Variants in CSMD1 observed in about 807,000 individuals in gnomAD.
CSMD1 encodes CUB and sushi domain-containing protein 1.
A neutral mutation model predicts 417.5 loss-of-function variants in CSMD1; 213 were observed. The ratio of observed to expected loss-of-function variants is 0.51; its 90% CI spans 0.46 to 0.57. CSMD1 has a LOEUF of 0.57. CSMD1 is among the 20% of genes least tolerant of loss of function. The pLI, the probability that CSMD1 is intolerant of heterozygous loss-of-function variation, is 0.00. For synonymous variants in CSMD1, 2,862 were observed against 1,736.8 expected (o/e 1.65, Z -16.11); for missense variants, 6,923 against 4,529.7 (o/e 1.53, Z -15.17).
intron 50 of CSMD1, among the ~76,000 whole-genome samples, chr8:3,035,286 G>C (rs139876544): frequency 2.2e-3 from 340 of 152,206 alleles, no homozygotes; most frequent in African/African-American, 7.7e-3. Context: ...TTTTCACATT[G>C]TGTATGTAAT....
At position 3,831,341 on chromosome 8, in the gene CSMD1, G is replaced by A. The variant is rs145734414; in HGVS notation, c.819-77299C>T. ...CGGACAGCTCCATCTGTCTCCTTCT[G>A]GAATTATTAACAGCACTTGCAAACT... On this transcript the variant is annotated intron_variant, in intron 5 of 69. Transcript: ENST00000635120. 4.0e-3 allele frequency among the ~76,000 whole-genome samples: 602 copies of A among 152,180 alleles called. 5 individuals are homozygous for A. The highest frequency in any genetic ancestry group is 0.014 in the African/African-American group (576 of 41,522).
chr8:3,835,913 A>G (rs1802666664), intron 5 of CSMD1, among the ~76,000 whole-genome samples: 2 of 152,012 alleles, frequency 1.3e-5, no homozygotes, highest in South Asian at 2.1e-4. Context: ...TTTTTTCAAC[A>G]TATTTTCTCC....
chr8:3,219,437 T>G lies in CSMD1; in HGVS notation c.4490A>C (p.Asn1497Thr). Residue 1497 changes from asparagine (N) to threonine (T), a missense_variant, in exon 29 of 70, where the codon AAC becomes ACC. Physicochemically the swap from Asn to Thr is moderately conservative, Grantham distance 65. Coordinates refer to ENST00000635120, the MANE Select transcript of CSMD1 (RefSeq NM_033225.6). ...TAGGAAGTCATAGCTGGGCTCCATG[T>G]TGAAACTAAAGAAAAGAATAGTAAT... is the stretch of plus-strand genomic sequence containing the variant. Reference protein sequence around the residue: ...FVIALIFKSFNMEPSYDFLHI... With the variant: ...FVIALIFKSFTMEPSYDFLHI... 2 of 1,482,268 alleles carry G rather than the reference T, an allele frequency of 1.3e-6. No individual in the cohort carries two copies. Among genetic ancestry groups the G allele is most frequent in the Non-Finnish European group, 1.8e-6 (2 of 1,115,552 alleles). The allele number at this position is 1,482,268 out of a possible 1,614,324, so 91.8% of individuals were successfully genotyped here. A position where few individuals can be genotyped will look rare whatever the true frequency, so the allele number is the denominator to read the frequency against.
intron 7 of CSMD1, among the ~76,000 whole-genome samples, chr8:3,696,151 T>C (rs941376152): frequency 2.6e-5 from 4 of 152,242 alleles, no homozygotes; most frequent in African/African-American, 4.8e-5. Flanking sequence ...AGATACATAA[T>C]GAACGTATCT....
intron 7 of CSMD1, among the ~76,000 whole-genome samples, chr8:3,651,728 C>T (rs781455842): frequency 6.6e-6 from 1 of 151,930 alleles, no homozygotes; most frequent in Non-Finnish European, 1.5e-5. Context: ...TTACCAGCAA[C>T]AGCGTGCTTA....
intron 10 of CSMD1, among the ~76,000 whole-genome samples, chr8:3,543,285 G>A (rs1350248922): frequency 1.3e-5 from 2 of 152,200 alleles, no homozygotes; most frequent in Admixed American, 6.5e-5. Flanking sequence ...GGACATCGGA[G>A]AACATTATTA....
intron 23 of CSMD1, among the ~76,000 whole-genome samples, chr8:3,327,267 C>T (rs1434614499): frequency 5.3e-5 from 8 of 152,000 alleles, no homozygotes; most frequent in African/African-American, 1.7e-4. Flanking sequence ...CTCAGCCTCC[C>T]GAGTAGCTGG....
chr8:4,602,890 C>G (rs752551867), intron 2 of CSMD1, among the ~76,000 whole-genome samples: 11 of 151,682 alleles, frequency 7.3e-5, no homozygotes, highest in Non-Finnish European at 1.2e-4. Flanking sequence ...ATAACGCTAT[C>G]ATATAATGAT....
intron 7 of CSMD1, among the ~76,000 whole-genome samples, chr8:3,681,171 G>A (rs1261518355): frequency 2.0e-5 from 3 of 152,148 alleles, no homozygotes; most frequent in Non-Finnish European, 4.4e-5. Context: ...TCAACATAGT[G>A]TTGGAAGTTC....
At chr8:3,538,072 G>T (rs1321895330) in intron 10 of CSMD1, among the ~76,000 whole-genome samples, 1 of 152,196 alleles carries the variant, frequency 6.6e-6, no homozygotes, top group South Asian at 2.1e-4. Flanking sequence ...TCAATGACCC[G>T]ATCCTATGCA....
intron 3 of CSMD1, among the ~76,000 whole-genome samples, chr8:4,081,160 C>G (rs1171795059): frequency 6.6e-6 from 1 of 152,140 alleles, no homozygotes. Flanking sequence ...CAGCCTCCAG[C>G]ATTGTGATAA....
At chr8:3,161,216 T>A (rs546620335) in intron 38 of CSMD1, among the ~76,000 whole-genome samples, 11 of 152,206 alleles carry the variant, frequency 7.2e-5, no homozygotes, top group South Asian at 4.2e-4. Flanking sequence ...ATTCTGAGAG[T>A]AGGCTTACTC....
intron 10 of CSMD1, among the ~76,000 whole-genome samples, chr8:3,549,822 C>T (rs770228204): frequency 6.6e-6 from 1 of 152,102 alleles, no homozygotes; most frequent in African/African-American, 2.4e-5. Context: ...CTATAAACCA[C>T]CCAATTTCAG....
intron 3 of CSMD1, among the ~76,000 whole-genome samples, chr8:4,376,459 A>T (rs1802746153): frequency 6.6e-6 from 1 of 152,212 alleles, no homozygotes; most frequent in African/African-American, 2.4e-5. Context: ...ATTCTGTAGA[A>T]ACATCATTTA....
At chr8:3,221,021 T>G (rs1798178324) in intron 28 of CSMD1, among the ~76,000 whole-genome samples, 1 of 143,822 alleles carries the variant, frequency 7.0e-6, no homozygotes, top group South Asian at 2.2e-4. Flanking sequence ...GGTCAGGGTT[T>G]TTGCTTGTTG....
At chr8:3,610,361 T>G (rs1224925077) in intron 8 of CSMD1, among the ~76,000 whole-genome samples, 2 of 152,022 alleles carry the variant, frequency 1.3e-5, no homozygotes, top group Non-Finnish European at 2.9e-5. Context: ...AGCGAGACCT[T>G]GTCTTTACAA....
intron 23 of CSMD1, among the ~76,000 whole-genome samples, chr8:3,316,527 G>A (rs1480552226): frequency 9.8e-6 from 1 of 102,006 alleles, no homozygotes; most frequent in African/African-American, 4.1e-5. Context: ...GGTTCAGTGA[G>A]CCTTGCGGGA....
At chr8:3,472,593 T>C (rs569891623) in intron 11 of CSMD1, among the ~76,000 whole-genome samples, 13 of 152,058 alleles carry the variant, frequency 8.5e-5, no homozygotes, top group Admixed American at 2.0e-4. Context: ...CTGACATATA[T>C]ATATATAAAA....
rs964491245 is a variant in CSMD1 at position 4,047,757 on chromosome 8, T to G, written c.416-15658A>C. ...AAAAATAAATCAAGAGAAAATGGTA[T>G]TTTTTTGATAGGAATAGGTAGAGAA... On this transcript the variant is annotated intron_variant, in intron 3 of 69. Coordinates refer to ENST00000635120, the MANE Select transcript of CSMD1 (RefSeq NM_033225.6). 4.7e-5 allele frequency among the ~76,000 whole-genome samples: 7 copies of G among 148,830 alleles called. No individual in the cohort carries two copies. The South Asian group carries it at 1.5e-3, about 31-fold the overall frequency.
Sources: gnomAD v4.1 joint callset for allele counts (sites outside exome capture counted in the v4.1 genomes callset) on GRCh38, gnomAD v4.1.1 for gene constraint, MANE v1.5 for transcripts, NCBI Gene and HGNC (gene_info 2026-07-23, HGNC 2026-07-21) for gene names.